The following TMOD4 variants were observed in gnomAD, a reference collection of about 807,000 sequenced individuals.
TMOD4 encodes the protein tropomodulin 4, also known as tropomodulin-4.
TMOD4 carries 34 observed loss-of-function variants against 45.4 expected under a neutral mutation model. The ratio of observed to expected loss-of-function variants is 0.75; its 90% CI spans 0.57 to 1.00. The LOEUF (loss-of-function observed/expected upper bound fraction) is 1.00. TMOD4 is among the 50% of genes least tolerant of loss of function. The pLI is 0.00. For synonymous variants in TMOD4, 131 were observed against 153.9 expected (o/e 0.85, Z 1.10); for missense variants, 399 against 437.5 (o/e 0.91, Z 0.78).
intron 4 of TMOD4, among the ~76,000 whole-genome samples, 159 bp downstream of exon 4, chr1:151,173,338 ATG>A (rs1022998797): frequency 2.0e-5 from 3 of 152,220 alleles, no homozygotes; most frequent in Non-Finnish European, 4.4e-5. Flanking sequence ...AAATTTAAAA[ATG>A]AATAAATATA....
At chr1:151,173,458 G>GC (rs753593315) in intron 4 of TMOD4, 41 bp downstream of exon 4, 1 of 1,496,712 alleles carries the variant, frequency 6.7e-7, no homozygotes, top group Non-Finnish European at 9.3e-7. Flanking sequence ...GAATCCACCT[G>GC]CCCCTGATCC....
rs2101712066 is a variant in TMOD4, at chr1:151,171,790, C to G, written c.488-27G>C. The G allele has an allele frequency of 1.9e-6, 3 of 1,605,678 alleles. 1 individual carries two copies. The highest frequency in any genetic ancestry group is 3.4e-4 in the Middle Eastern group (2 of 5,946). The stretch of plus-strand genomic sequence containing the variant: ...TGGTGAATGAGGGCAGGAAGGGAAC[C>G]CCAACATGTTCCCCATAATCTCCTC... On this transcript the variant is annotated intron_variant, in intron 5 of 9. Coordinates refer to ENST00000295314, the MANE Select transcript of TMOD4 (RefSeq NM_013353.3).
In TMOD4 at chr1:151,174,478, G is replaced by A. The variant is rs191076675; in HGVS notation, c.193C>T (p.Arg65Ter). ...TCCAAGTACTGCAAAAGGGCCTCTC[G>A]GTCCAGTGGCCCCGTTGGGCTCTTC... ...TKKSPTGPLD[R>*]EALLQYLEQQ... is the part of the protein sequence containing the mutation. Residue 65 changes from arginine (R) to a stop codon, truncating the protein, a stop_gained, in exon 3 of 10, where the codon CGA (arginine) becomes TGA (stop). Transcript: ENST00000295314. LOFTEE classifies it high-confidence loss of function. 229 of 1,614,050 alleles carry A rather than the reference G, an allele frequency of 1.4e-4. 2 individuals carry two copies. The highest frequency in any genetic ancestry group is 1.6e-4 in the Middle Eastern group (1 of 6,080).
intron 7 of TMOD4, 88 bp from the exon 8 acceptor site, chr1:151,171,151 C>G (rs758665217): frequency 4.9e-6 from 7 of 1,438,096 alleles, no homozygotes; most frequent in Non-Finnish European, 6.7e-6. Flanking sequence ...GGAAACACAG[C>G]TCTTTGAGAA....
At position 151,170,575 on chromosome 1, in the gene TMOD4, G is replaced by A. The variant is rs780747195; in HGVS notation, c.959C>T (p.Thr320Ile). ...TGCCCGAGCTCGTGGCCCCTGCTGT[G>A]TAAAGTGGTAGCCAAAGCGGACAAT... ...PSIVRFGYHF[T>I]QQGPRARAAQ... The change falls in exon 9 of 10, where the codon ACA (threonine) becomes ATA (isoleucine). Residue 320 changes from threonine (T) to isoleucine (I), a missense_variant. Coordinates refer to ENST00000295314, the MANE Select transcript of TMOD4 (RefSeq NM_013353.3). 3.1e-6 allele frequency: 5 copies of A among 1,614,106 alleles called. No individual in the cohort carries two copies. Among genetic ancestry groups the A allele is most frequent in the African/African-American group, 1.3e-5 (1 of 74,930 alleles).
chr1:151,173,711 G>A (rs924331862), intron 3 of TMOD4, 96 bp from the exon 4 acceptor site: 1 of 857,368 alleles, frequency 1.2e-6, no homozygotes, highest in African/African-American at 1.7e-5. Context: ...AGAATGCTGC[G>A]TCACGAAGGG....
intron 5 of TMOD4, 134 bp downstream of exon 5, chr1:151,172,134 C>G (rs1683979284): frequency 1.3e-6 from 1 of 757,762 alleles, no homozygotes; most frequent in South Asian, 1.7e-5. Flanking sequence ...TCACCTGGCA[C>G]TCCACAGGTT....
At chr1:151,170,291 A>C in intron 9 of TMOD4, 188 bp from the exon 10 acceptor site, 1 of 846,660 alleles carries the variant, frequency 1.2e-6, no homozygotes, top group Non-Finnish European at 1.9e-6. Context: ...CGATACCTCT[A>C]AACAAGTATG....
intron 3 of TMOD4, among the ~76,000 whole-genome samples, chr1:151,174,147 T>C (rs866572961): frequency 2.0e-5 from 3 of 150,744 alleles, no homozygotes; most frequent in Admixed American, 6.6e-5. Context: ...ACCCGGGAGG[T>C]GGAGCTTGCA....
At chr1:151,171,310 C>T (rs1185132052) in intron 7 of TMOD4, 123 bp downstream of exon 7, 2 of 946,712 alleles carry the variant, frequency 2.1e-6, no homozygotes, top group Non-Finnish European at 3.3e-6. Flanking sequence ...TAGGAGTCTC[C>T]ATGAGGGCTG....
intron 1 of TMOD4, 64 bp from the exon 2 acceptor site, chr1:151,174,981 A>G (rs1572087012): frequency 7.3e-7 from 1 of 1,365,210 alleles, no homozygotes; most frequent in Non-Finnish European, 1.0e-6. Flanking sequence ...CAGGGACACA[A>G]AGAGACCAGC....
At chr1:151,171,838 CTTTTTTTTT>C in intron 5 of TMOD4, 75 bp from the exon 6 acceptor site, 1 of 1,300,010 alleles carries the variant, frequency 7.7e-7, no homozygotes, top group East Asian at 2.6e-5. Flanking sequence ...CTTTTCTTTT[CTTTTTTTTT>C]TTTTTTGAGA....
At chr1:151,175,279 T>C (rs1291493080) in intron 1 of TMOD4, 1 of 176,264 alleles carries the variant, frequency 5.7e-6, no homozygotes, top group Non-Finnish European at 1.2e-5. Flanking sequence ...TATGCCCAGT[T>C]CCTATTGAAA....
Position 151,170,121 on chromosome 1 carries a change from T to C in TMOD4, c.1016-18A>G. Reference sequence around the variant, plus strand: ...CTGGCGACCTGTAAAGGAGCAATATTAAACATAAGTGTTTGTTCCAGCTCC... The same window carrying C: ...CTGGCGACCTGTAAAGGAGCAATATCAAACATAAGTGTTTGTTCCAGCTCC... On this transcript the variant is annotated intron_variant, in intron 9 of 9. Transcript: ENST00000295314. The C allele has an allele frequency of 6.2e-7, 1 of 1,614,152 alleles. No homozygotes were observed. The highest frequency in any genetic ancestry group is 8.5e-7 in the Non-Finnish European group (1 of 1,180,008).
chr1:151,172,259 C>G lies in TMOD4; in HGVS notation c.487+9G>C. On this transcript the variant is annotated intron_variant, in intron 5 of 9. Coordinates refer to ENST00000295314, the MANE Select transcript of TMOD4 (RefSeq NM_013353.3). ...AGCCCTGGGGACCATGCTCCCCAAA[C>G]ACACTCACTGCTAATGCCTTCAGTG... is the stretch of plus-strand genomic sequence containing the variant. 6.2e-7 allele frequency: 1 copy of G among 1,610,688 alleles called. No homozygotes were observed. Among genetic ancestry groups the G allele is most frequent in the Non-Finnish European group, 8.5e-7 (1 of 1,177,298 alleles).
At position 151,171,685 on chromosome 1, in the gene TMOD4, C is replaced by T. The variant is rs748548849; in HGVS notation, c.566G>A (p.Arg189Lys). 1.9e-6 allele frequency: 3 copies of T among 1,614,078 alleles called. No individual in the cohort carries two copies. Among genetic ancestry groups the T allele is most frequent in the Non-Finnish European group, 2.5e-6 (3 of 1,180,012 alleles). Reference sequence around the variant, plus strand: ...CAGCTCCTTGTCATTGCTTCGGACCCTCTTTAGTATCTCCTCAATGTTTGT... The same window carrying T: ...CAGCTCCTTGTCATTGCTTCGGACCTTCTTTAGTATCTCCTCAATGTTTGT... ...NPTNIEEILK[R>K]VRSNDKELEE... Residue 189 changes from arginine to lysine, a missense_variant, in exon 6 of 10, where the codon AGG (arginine) becomes AAG (lysine). Coordinates refer to ENST00000295314, the MANE Select transcript of TMOD4 (RefSeq NM_013353.3).
rs138113515 is a variant in TMOD4, at chr1:151,170,536, G to T, written c.998C>A (p.Thr333Asn). 3.0e-4 allele frequency: 482 copies of T among 1,614,200 alleles called. No individual in the cohort carries two copies. Among genetic ancestry groups the T allele is most frequent in the Non-Finnish European group, 2.2e-4 (259 of 1,180,040 alleles). The change falls in exon 9 of 10, where the codon ACC (threonine) becomes AAC (asparagine). Residue 333 changes from threonine to asparagine, a missense_variant. Physicochemically the swap from Thr to Asn is moderately conservative, Grantham distance 65. Coordinates refer to ENST00000295314, the MANE Select transcript of TMOD4 (RefSeq NM_013353.3). ...TTACTCACGTAGTTCATTGTTTCGG[G>T]TCATGGCCTGGGCTGCCCGAGCTCG... ...GPRARAAQAM[T>N]RNNELRRQQK...
chr1:151,172,423 C>T, intron 4 of TMOD4, 66 bp from the exon 5 acceptor site: 1 of 1,281,438 alleles, frequency 7.8e-7, no homozygotes, highest in South Asian at 1.2e-5. Flanking sequence ...TCCCTCCTAC[C>T]TATTTCTGAA....
intron 4 of TMOD4, among the ~76,000 whole-genome samples, 199 bp from the exon 5 acceptor site, chr1:151,172,556 G>A (rs1002355092): frequency 6.6e-6 from 1 of 152,126 alleles, no homozygotes; most frequent in Non-Finnish European, 1.5e-5. Flanking sequence ...ATTGAGAAAG[G>A]GCTAAGGGAA....
Sources: gnomAD v4.1 joint callset for allele counts (sites outside exome capture counted in the v4.1 genomes callset) on GRCh38, gnomAD v4.1.1 for gene constraint, MANE v1.5 for transcripts, NCBI Gene and HGNC (gene_info 2026-07-23, HGNC 2026-07-21) for gene names.